The following ALPG variants were observed in gnomAD, a reference collection of about 807,000 sequenced individuals.
The protein encoded by ALPG is alkaline phosphatase, germ cell, also known as alkaline phosphatase, germ cell type.
A neutral mutation model predicts 48.6 loss-of-function variants in ALPG; 32 were observed. The observed-to-expected ratio is 0.66, with a 90% CI of 0.50 to 0.88. The LOEUF (loss-of-function observed/expected upper bound fraction) is 0.88. Among genes scored for constraint, ALPG ranks in the 40% least tolerant of loss-of-function variants. The pLI, the probability that ALPG is intolerant of heterozygous loss-of-function variation, is 0.00. For synonymous variants in ALPG, 244 were observed against 308.9 expected, an observed-to-expected ratio of 0.79 and a Z score of 2.20; for missense variants, 533 against 718.1, an observed-to-expected ratio of 0.74 and a Z score of 2.95.
Position 232,409,177 on chromosome 2 carries a change from C to A in ALPG, c.1183+65C>A, listed in dbSNP as rs202082280. 1.6e-5 allele frequency: 20 copies of A among 1,244,792 alleles called. 1 individual carries two copies. In the East Asian group the frequency reaches 5.1e-4, roughly 32 times the overall value. The allele number at this position is 1,244,792 out of a possible 1,614,324, so 77.1% of individuals were successfully genotyped here. A position where few individuals can be genotyped will look rare whatever the true frequency, so the allele number is the denominator to read the frequency against. ...AAGTGGGTGAAATCTGAGCCTCAGT[C>A]TCCTCCTCTGTCAAATGGGAGTAAT... On this transcript the variant is annotated intron_variant, in intron 9 of 10. Transcript: ENST00000295453.
intron 2 of ALPG, 33 bp downstream of exon 2, chr2:232,407,206 C>G (rs369414400): frequency 7.6e-5 from 122 of 1,613,874 alleles, no homozygotes; most frequent in Non-Finnish European, 1.0e-4. Flanking sequence ...CCCCGCAGCC[C>G]TCACAGCCCC....
rs1234370761 is a variant in ALPG, at chr2:232,408,008, G to A, written c.639G>A (p.Met213Ile). 3 of 1,610,952 alleles carry A rather than the reference G, an allele frequency of 1.9e-6. No individual in the cohort carries two copies. Among genetic ancestry groups the A allele is most frequent in the Non-Finnish European group, 1.7e-6 (2 of 1,178,736 alleles). The change falls in exon 5 of 11, where the codon ATG becomes ATA. Residue 213 changes from methionine (M) to isoleucine (I), a missense_variant. Around this residue, in one of 6 missense-constraint regions of ALPG, gnomAD observed 315 missense variants for 305.8 expected, o/e 1.03. Coordinates refer to ENST00000295453, the MANE Select transcript of ALPG (RefSeq NM_031313.3). ...TCGCCACGCAGCTCATCTCCAACAT[G>A]GACATTGATGTGCGACCCCCGGGCC... ...QDIATQLISN[M>I]DIDVILGGGR...
Position 232,410,069 on chromosome 2 carries a change from T to A in ALPG, c.*197T>A. On this transcript the variant is annotated 3_prime_UTR_variant, in exon 11 of 11. Coordinates refer to ENST00000295453, the MANE Select transcript of ALPG (RefSeq NM_031313.3). ...CACGCCCTTTGCTTTATCTTGCTCT[T>A]GAAATTTTGGCCCCAACTCCAGGGA... 1.1e-6 allele frequency: 1 copy of A among 912,470 alleles called. No homozygotes were observed. Among genetic ancestry groups the A allele is most frequent in the Non-Finnish European group, 1.6e-6 (1 of 628,014 alleles). 56.5% of individuals were successfully genotyped at this position (912,470 alleles called of 1,614,324 possible).
At position 232,410,175 on chromosome 2, in the gene ALPG, G is replaced by A; in HGVS notation, c.*303G>A. 2.0e-6 allele frequency: 1 copy of A among 506,826 alleles called. No homozygotes were observed. Among genetic ancestry groups the A allele is most frequent in the Non-Finnish European group, 3.5e-6 (1 of 287,018 alleles). 31.4% of individuals were successfully genotyped at this position (506,826 alleles called of 1,614,324 possible). A position where few individuals can be genotyped will look rare whatever the true frequency, so the allele number is the denominator to read the frequency against. ...CATCCAGCCCCCGCCCATATCCTGA[G>A]GTGGATCAGGCAGGCTCTCTCCCCG... On this transcript the variant is annotated 3_prime_UTR_variant, in exon 11 of 11. Transcript: ENST00000295453.
chr2:232,409,288 C>T (rs1471741128), intron 9 of ALPG, 44 bp from the exon 10 acceptor site: 1 of 1,433,454 alleles, frequency 7.0e-7, no homozygotes, highest in Non-Finnish European at 9.8e-7. Flanking sequence ...GGAGACACTC[C>T]ACAGCTGTGT....
In ALPG at chr2:232,407,142, C is replaced by T. The variant is rs61730280; in HGVS notation, c.153C>T (p.Ala51=). ...AGAAGCTGCAGCCTGCACAGACAGC[C>T]GCCAAGAACCTCATCATCTTCCTGG... The part of the protein sequence containing the change: ...AAKKLQPAQT[A]AKNLIIFLGD... Residue 51 remains alanine, a synonymous_variant, in exon 2 of 11, where the codon GCC becomes GCT. Transcript: ENST00000295453. The T allele has an allele frequency of 1.8e-3, 2,857 of 1,613,936 alleles. 44 individuals are homozygous for T. The African/African-American group carries it at 0.035, about 20-fold the overall frequency.
chr2:232,406,854 C>G lies in ALPG; in HGVS notation c.-41C>G, dbSNP rs753578408. Reference sequence around the variant, plus strand: ...CCTGGAGTGCAGCTCATACTCCATACCTGGGATTTCCGCCTCGCCGCTCTC... The same window carrying G: ...CCTGGAGTGCAGCTCATACTCCATAGCTGGGATTTCCGCCTCGCCGCTCTC... On this transcript the variant is annotated 5_prime_UTR_variant, in exon 1 of 11. Transcript: ENST00000295453. The G allele has an allele frequency of 2.5e-6, 4 of 1,591,504 alleles. No homozygotes were observed. Among genetic ancestry groups the G allele is most frequent in the Non-Finnish European group, 3.4e-6 (4 of 1,169,920 alleles).
At position 232,410,080 on chromosome 2, in the gene ALPG, C is replaced by A; in HGVS notation, c.*208C>A. The A allele has an allele frequency of 1.2e-6, 1 of 825,696 alleles. No individual in the cohort carries two copies. Among genetic ancestry groups the A allele is most frequent in the Non-Finnish European group, 1.8e-6 (1 of 548,824 alleles). The allele number at this position is 825,696 out of a possible 1,614,324, so 51.1% of individuals were successfully genotyped here. On this transcript the variant is annotated 3_prime_UTR_variant, in exon 11 of 11. Coordinates refer to ENST00000295453, the MANE Select transcript of ALPG (RefSeq NM_031313.3). The stretch of plus-strand genomic sequence containing the variant: ...CTTTATCTTGCTCTTGAAATTTTGG[C>A]CCCAACTCCAGGGACTGGGGATTTG...
chr2:232,406,980 C>A lies in ALPG; in HGVS notation c.67+19C>A. ...ATCCCAGGTAATGAGGCTCCCCCAG[C>A]TGCCCCTACACACACACACACACAC... On this transcript the variant is annotated intron_variant, in intron 1 of 10. Coordinates refer to ENST00000295453, the MANE Select transcript of ALPG (RefSeq NM_031313.3). The A allele has an allele frequency of 6.3e-7, 1 of 1,592,998 alleles. No individual in the cohort carries two copies. Among genetic ancestry groups the A allele is most frequent in the African/African-American group, 1.5e-5 (1 of 67,472 alleles).
In ALPG at chr2:232,410,161, C is replaced by A; in HGVS notation, c.*289C>A. ...GAGGAGGCTCAGACCATCCAGCCCC[C>A]GCCCATATCCTGAGGTGGATCAGGC... On this transcript the variant is annotated 3_prime_UTR_variant, in exon 11 of 11. Transcript: ENST00000295453. The A allele has an allele frequency of 1.8e-6, 1 of 543,846 alleles. No individual in the cohort carries two copies. Among genetic ancestry groups the A allele is most frequent in the Non-Finnish European group, 3.2e-6 (1 of 308,816 alleles). The allele number at this position is 543,846 out of a possible 1,614,324, so 33.7% of individuals were successfully genotyped here.
Position 232,409,627 on chromosome 2 carries a change from G to T in ALPG, c.1354G>T (p.Ala452Ser). 2 of 1,612,630 alleles carry T rather than the reference G, an allele frequency of 1.2e-6. No homozygotes were observed. Among genetic ancestry groups the T allele is most frequent in the Non-Finnish European group, 1.7e-6 (2 of 1,179,710 alleles). The change falls in exon 11 of 11, where the codon GCA becomes TCA. Residue 452 changes from alanine (A) to serine (S), a missense_variant. Coordinates refer to ENST00000295453, the MANE Select transcript of ALPG (RefSeq NM_031313.3). ...SAVPLDGETH[A>S]GEDVAVFARG... is the part of the protein sequence containing the mutation. ...AGTGCCCCTGGACGGAGAGACCCAC[G>T]CAGGCGAGGACGTGGCGGTGTTCGC...
rs773633832 is a variant in ALPG at position 232,407,731 on chromosome 2, C to T, written c.438C>T (p.Asn146=). 46 of 1,613,674 alleles carry T rather than the reference C, an allele frequency of 2.9e-5. No individual in the cohort carries two copies. The highest frequency in any genetic ancestry group is 3.6e-5 in the Non-Finnish European group (43 of 1,180,020). Residue 146 remains asparagine (N), a synonymous_variant, in exon 4 of 11, where the codon AAC becomes AAT. Coordinates refer to ENST00000295453, the MANE Select transcript of ALPG (RefSeq NM_031313.3). The part of the protein sequence containing the change: ...RFNQCNTTRG[N]EVISVMNRAK... ...ACCAGTGCAACACGACACGCGGCAA[C>T]GAGGTCATCTCCGTGATGAATCGGG...
intron 5 of ALPG, 79 bp from the exon 6 acceptor site, chr2:232,408,188 G>T: frequency 6.3e-7 from 1 of 1,593,164 alleles, no homozygotes; most frequent in Non-Finnish European, 8.6e-7. Context: ...TTGGGGAGGG[G>T]AGTCAGGGGC....
Position 232,407,668 on chromosome 2 carries a change from C to A in ALPG, c.375C>A (p.Asn125Lys). The change falls in exon 4 of 11, where the codon AAC (asparagine) becomes AAA (lysine). Residue 125 changes from asparagine to lysine, a missense_variant. Transcript: ENST00000295453. ...ATAYLCGVKG[N>K]FQTIGLSAAA... ...CCTACCTGTGCGGGGTCAAGGGCAA[C>A]TTCCAGACCATTGGCTTGAGTGCAG... 6.2e-7 allele frequency: 1 copy of A among 1,613,962 alleles called. No individual in the cohort carries two copies. The highest frequency in any genetic ancestry group is 8.5e-7 in the Non-Finnish European group (1 of 1,180,038).
rs369419190 is a variant in ALPG, at chr2:232,408,285, C to T, written c.667C>T (p.Arg223Ter). 7 of 1,613,516 alleles carry T rather than the reference C, an allele frequency of 4.3e-6. No homozygotes were observed. Among genetic ancestry groups the T allele is most frequent in the Non-Finnish European group, 5.1e-6 (6 of 1,179,872 alleles). Residue 223 changes from arginine (R) to a stop codon, truncating the protein, a stop_gained, in exon 6 of 11, where the codon CGA becomes TGA. Transcript: ENST00000295453. LOFTEE classifies it high-confidence loss of function. Reference sequence around the variant, plus strand: ...TTCCCAGGTGATCCTAGGTGGAGGCCGAAAGTACATGTTTCCCATGGGGAC... The same window carrying T: ...TTCCCAGGTGATCCTAGGTGGAGGCTGAAAGTACATGTTTCCCATGGGGAC... ...MDIDVILGGG[R>*]KYMFPMGTPD...
Position 232,406,943 on chromosome 2 carries a change from T to C in ALPG, c.49T>C (p.Ser17Pro), listed in dbSNP as rs574462573. 6.2e-7 allele frequency: 1 copy of C among 1,612,914 alleles called. No individual in the cohort carries two copies. The highest frequency in any genetic ancestry group is 2.2e-5 in the East Asian group (1 of 44,852). The change falls in exon 1 of 11, where the codon TCC becomes CCC. Residue 17 changes from serine (S) to proline (P), a missense_variant. Physicochemically the swap from Ser to Pro is moderately conservative, Grantham distance 74. Transcript: ENST00000295453. ...CCTGCTGGGCCTGAGGCTACAGCTCTCCCTGGGCATCATCCCAGGTAATGA... is the reference window on the plus strand; with the variant it reads ...CCTGCTGGGCCTGAGGCTACAGCTCCCCCTGGGCATCATCCCAGGTAATGA... The part of the protein sequence containing the change: ...LLLLGLRLQL[S>P]LGIIPVEEEN...
In ALPG at chr2:232,407,072, C is replaced by T. The variant is rs770957226; in HGVS notation, c.83C>T (p.Pro28Leu). 8.1e-6 allele frequency: 13 copies of T among 1,613,816 alleles called. No homozygotes were observed. Among genetic ancestry groups the T allele is most frequent in the Non-Finnish European group, 1.0e-5 (12 of 1,179,976 alleles). ...CCCTGGCCAGTTGAGGAGGAGAACCCGGACTTCTGGAACCGCCAGGCAGCC... is the reference window on the plus strand; with the variant it reads ...CCCTGGCCAGTTGAGGAGGAGAACCTGGACTTCTGGAACCGCCAGGCAGCC... Reference protein sequence around the residue: ...LGIIPVEEENPDFWNRQAAEA... With the variant: ...LGIIPVEEENLDFWNRQAAEA... Residue 28 changes from proline to leucine, a missense_variant, in exon 2 of 11, where the codon CCG becomes CTG. Physicochemically the swap from Pro to Leu is moderately conservative, Grantham distance 98 (BLOSUM62 -3). Coordinates refer to ENST00000295453, the MANE Select transcript of ALPG (RefSeq NM_031313.3).
At chr2:232,407,455 A>C in intron 3 of ALPG, 54 bp downstream of exon 3, 1 of 1,599,882 alleles carries the variant, frequency 6.3e-7, no homozygotes, top group South Asian at 1.1e-5. Flanking sequence ...AATCCTGGCT[A>C]TGGAGTGTGG....
chr2:232,407,614 T>C lies in ALPG; in HGVS notation c.321T>C (p.His107=), dbSNP rs755802512. The change falls in exon 4 of 11, where the codon CAT becomes CAC. Residue 107 remains histidine, a synonymous_variant. Transcript: ENST00000295453. The part of the protein sequence containing the change: ...ALSKTYSVDK[H]VPDSGATATA... ...CCCAGACATACAGTGTAGACAAGCATGTGCCAGACAGTGGAGCCACAGCCA... is the reference window on the plus strand; with the variant it reads ...CCCAGACATACAGTGTAGACAAGCACGTGCCAGACAGTGGAGCCACAGCCA... 5.1e-5 allele frequency: 82 copies of C among 1,613,758 alleles called. No homozygotes were observed. The highest frequency in any genetic ancestry group is 6.4e-5 in the Non-Finnish European group (76 of 1,180,024).
Sources: gnomAD v4.1 joint callset for allele counts on GRCh38, gnomAD v4.1.1 for gene constraint, gnomAD v4.1.1 regional missense constraint, MANE v1.5 for transcripts, NCBI Gene and HGNC (gene_info 2026-07-23, HGNC 2026-07-21) for gene names.